PSKH1: variants seen among roughly 807,000 people sequenced by gnomAD.
PSKH1 encodes protein serine kinase H1.
In PSKH1, 12 loss-of-function variants were observed where a neutral mutation model predicts 26.7. The ratio of observed to expected loss-of-function variants is 0.45; its 90% CI spans 0.29 to 0.73. PSKH1 has a LOEUF of 0.73. PSKH1 is among the 30% of genes least tolerant of loss of function. The probability of loss-of-function intolerance (pLI) is 0.11; values close to 1 mark genes in which losing one functional copy is unlikely to be tolerated. For missense variants in PSKH1, 431 were observed against 595.2 expected (o/e 0.72, Z 2.87); for synonymous variants, 213 against 234.3 (o/e 0.91, Z 0.83).
At position 67,925,837 on chromosome 16, in the gene PSKH1, GA is replaced by G. The variant is rs1217192166; in HGVS notation, c.958-1486del. The stretch of plus-strand genomic sequence containing the variant: ...GCCCCAGGCCTTCCTCAGGACGGTG[GA>G]AGCGTGTTCTCCCTGCCTCATCCCT... On this transcript the variant is annotated intron_variant, in intron 2 of 2. Coordinates refer to ENST00000291041, the MANE Select transcript of PSKH1 (RefSeq NM_006742.3). Among the ~76,000 whole-genome samples, 5 of 152,298 alleles carry G rather than the reference GA, an allele frequency of 3.3e-5. No individual in the cohort carries two copies. The East Asian group carries it at 9.7e-4, about 29-fold the overall frequency.
chr16:67,897,482 C>T (rs2058129628), intron 1 of PSKH1, among the ~76,000 whole-genome samples: 1 of 152,158 alleles, frequency 6.6e-6, no homozygotes, highest in South Asian at 2.1e-4. Flanking sequence ...GAAATGGCCT[C>T]TCAGGGCATC....
chr16:67,926,716 G>A (rs931897348), intron 2 of PSKH1, among the ~76,000 whole-genome samples: 3 of 152,012 alleles, frequency 2.0e-5, no homozygotes, highest in African/African-American at 7.3e-5. Context: ...GCCAGAGGGT[G>A]CCACTGAGAA....
chr16:67,918,097 C>T lies in PSKH1; in HGVS notation c.957+8391C>T, dbSNP rs140085028. Among the ~76,000 whole-genome samples, 49 of 152,292 alleles carry T rather than the reference C, an allele frequency of 3.2e-4. No homozygotes were observed. In the East Asian group the frequency reaches 9.3e-3, roughly 29 times the overall value. ...CAGAAGGTGAGTCATCAGCTACAGA[C>T]TCATGCTAGAGAACTGTCAGGGTCC... On this transcript the variant is annotated intron_variant, in intron 2 of 2. Transcript: ENST00000291041.
chr16:67,919,256 C>T (rs2058195721), intron 2 of PSKH1, among the ~76,000 whole-genome samples: 1 of 152,210 alleles, frequency 6.6e-6, no homozygotes, highest in African/African-American at 2.4e-5. Flanking sequence ...TTCTCACCTT[C>T]AGTGTGGGTG....
intron 2 of PSKH1, among the ~76,000 whole-genome samples, chr16:67,910,512 G>A (rs2058170421): frequency 6.6e-6 from 1 of 152,062 alleles, no homozygotes; most frequent in Non-Finnish European, 1.5e-5. Context: ...TTTTTGAGAT[G>A]GAGTCTTGCT....
intron 2 of PSKH1, among the ~76,000 whole-genome samples, chr16:67,912,223 G>T (rs376437436): frequency 2.4e-4 from 36 of 152,312 alleles, no homozygotes; most frequent in Middle Eastern, 6.8e-3. Context: ...GGAAGCCAGA[G>T]AATAGTCCCT....
chr16:67,923,515 C>T (rs1419080084), intron 2 of PSKH1, among the ~76,000 whole-genome samples: 1 of 152,196 alleles, frequency 6.6e-6, no homozygotes, highest in Non-Finnish European at 1.5e-5. Flanking sequence ...TGGAGGCTGT[C>T]ACCCTGGGTA....
intron 1 of PSKH1, among the ~76,000 whole-genome samples, chr16:67,905,648 T>G (rs1346204701): frequency 2.6e-5 from 4 of 152,152 alleles, no homozygotes; most frequent in Non-Finnish European, 5.9e-5. Flanking sequence ...TCACTTGAGG[T>G]CAGGAGTTGG....
intron 1 of PSKH1, among the ~76,000 whole-genome samples, chr16:67,894,940 T>A (rs2058121875): frequency 1.3e-5 from 2 of 151,752 alleles, no homozygotes; most frequent in Admixed American, 1.3e-4. Context: ...TTTTTTTTTT[T>A]TTGAGACGGA....
Position 67,908,965 on chromosome 16 carries a change from G to A in PSKH1, c.216G>A (p.Glu72=), listed in dbSNP as rs2058164774. 6.2e-7 allele frequency: 1 copy of A among 1,613,964 alleles called. No homozygotes were observed. The highest frequency in any genetic ancestry group is 1.3e-5 in the African/African-American group (1 of 75,056). Residue 72 remains glutamate (E), a synonymous_variant, in exon 2 of 3, where the codon GAG becomes GAA. Transcript: ENST00000291041. ...GTCCCCCGACTGCTGGCCACACGGA[G>A]CCTCCCTCAGAACCACCACGCAGGG... is the stretch of plus-strand genomic sequence containing the variant. The part of the protein sequence containing the change: ...CPGPPTAGHT[E]PPSEPPRRAR...
chr16:67,907,163 C>T (rs1480616656), intron 1 of PSKH1, among the ~76,000 whole-genome samples: 4 of 151,708 alleles, frequency 2.6e-5, no homozygotes, highest in Admixed American at 1.3e-4. Flanking sequence ...TGGGGTTTCA[C>T]TGTGTTAGCC....
At chr16:67,906,453 A>G in intron 1 of PSKH1, among the ~76,000 whole-genome samples, 1 of 145,660 alleles carries the variant, frequency 6.9e-6, no homozygotes, top group South Asian at 2.2e-4. Flanking sequence ...TGCAACCTCC[A>G]CCAGGTTCAA....
At chr16:67,904,094 C>T (rs1240732288) in intron 1 of PSKH1, among the ~76,000 whole-genome samples, 1 of 151,384 alleles carries the variant, frequency 6.6e-6, no homozygotes, top group Non-Finnish European at 1.5e-5. Context: ...TGGCTCACTG[C>T]AACCTATGCC....
At chr16:67,924,318 G>A (rs979290703) in intron 2 of PSKH1, among the ~76,000 whole-genome samples, 5 of 152,222 alleles carry the variant, frequency 3.3e-5, no homozygotes, top group African/African-American at 4.8e-5. Flanking sequence ...TTGGTGAGGC[G>A]AGAATCTTGG....
intron 1 of PSKH1, among the ~76,000 whole-genome samples, chr16:67,893,581 C>T (rs1189872923): frequency 6.6e-6 from 1 of 152,244 alleles, no homozygotes; most frequent in Non-Finnish European, 1.5e-5. Flanking sequence ...GGCCTCGGAA[C>T]GTGCTGTCGT....
At chr16:67,898,505 G>A (rs1234718852) in intron 1 of PSKH1, among the ~76,000 whole-genome samples, 1 of 152,056 alleles carries the variant, frequency 6.6e-6, no homozygotes, top group African/African-American at 2.4e-5. Flanking sequence ...TCCTGCCCTG[G>A]CCCCCAGAGT....
At chr16:67,926,366 C>T (rs1489037032) in intron 2 of PSKH1, among the ~76,000 whole-genome samples, 1 of 152,252 alleles carries the variant, frequency 6.6e-6, no homozygotes, top group Non-Finnish European at 1.5e-5. Flanking sequence ...CAGGCACGGG[C>T]TCATCCAGCT....
At chr16:67,894,724 C>G (rs2058121185) in intron 1 of PSKH1, among the ~76,000 whole-genome samples, 1 of 152,166 alleles carries the variant, frequency 6.6e-6, no homozygotes, top group Non-Finnish European at 1.5e-5. Flanking sequence ...CCTCCAGTAG[C>G]ATTTGCTGAA....
chr16:67,908,787 C>T lies in PSKH1; in HGVS notation c.38C>T (p.Pro13Leu). The T allele has an allele frequency of 6.2e-7, 1 of 1,606,710 alleles. No homozygotes were observed. The highest frequency in any genetic ancestry group is 2.2e-5 in the East Asian group (1 of 44,746). The change falls in exon 2 of 3, where the codon CCC becomes CTC. Residue 13 changes from proline to leucine, a missense_variant. Physicochemically the swap from Pro to Leu is moderately conservative, Grantham distance 98. Transcript: ENST00000291041. Reference protein sequence around the residue: ...CGTSKVLPEPPKDVQLDLVKK... With the variant: ...CGTSKVLPEPLKDVQLDLVKK... Reference sequence around the variant, plus strand: ...ACAAGCAAGGTCCTTCCCGAGCCACCCAAGGATGTCCAGCTGGATCTGGTC... The same window carrying T: ...ACAAGCAAGGTCCTTCCCGAGCCACTCAAGGATGTCCAGCTGGATCTGGTC...
Sources: allele counts gnomAD v4.1 joint callset (sites outside exome capture counted in the v4.1 genomes callset), GRCh38; gene constraint gnomAD v4.1.1; transcripts MANE v1.5; gene names NCBI Gene and HGNC (gene_info 2026-07-23, HGNC 2026-07-21).